Variants in RHBG observed in about 807,000 individuals in gnomAD.
RHBG encodes Rh family B glycoprotein, also known as ammonium transporter Rh type B.
RHBG carries 39 observed loss-of-function variants against 40.1 expected under a neutral mutation model. The ratio of observed to expected loss-of-function variants is 0.97; its 90% CI spans 0.75 to 1.27. The LOEUF is 1.27. Ranked by LOEUF, RHBG falls within the 50% of genes most tolerant of loss-of-function variation. The pLI is 0.00. For missense variants in RHBG, 549 were observed against 588.1 expected (o/e 0.93, Z 0.69); for synonymous variants, 237 against 252.5 (o/e 0.94, Z 0.58).
chr1:156,381,181 C>T (rs373078119), intron 4 of RHBG, among the ~76,000 whole-genome samples, 166 bp from the exon 5 acceptor site: 7 of 152,332 alleles, frequency 4.6e-5, no homozygotes, highest in South Asian at 4.1e-4. Context: ...GGATTACAGG[C>T]GTGAGCCACC....
rs754379792 is a variant in RHBG, at chr1:156,377,391, C to T, written c.278C>T (p.Thr93Ile). 1.9e-6 allele frequency: 3 copies of T among 1,614,138 alleles called. No homozygotes were observed. Among genetic ancestry groups the T allele is most frequent in the Admixed American group, 3.3e-5 (2 of 60,014 alleles). ...QRYGFSSVGFTFLLAAFALQW... is the reference protein window; with the variant it reads ...QRYGFSSVGFIFLLAAFALQW... ...TACGGCTTCAGCAGCGTGGGCTTCA[C>T]CTTCCTCCTGGCCGCCTTTGCCCTG... Residue 93 changes from threonine to isoleucine, a missense_variant, in exon 2 of 10, where the codon ACC (threonine) becomes ATC (isoleucine). Coordinates refer to ENST00000537040, the MANE Select transcript of RHBG (RefSeq NM_020407.5). The surrounding 1 kb of genome is among the most constrained non-coding windows in gnomAD (Gnocchi z 4.6).
intron 1 of RHBG, chr1:156,371,177 T>A (rs1167233109): frequency 9.3e-6 from 4 of 430,182 alleles, no homozygotes; most frequent in Non-Finnish European, 1.8e-5. Context: ...TTTTTTTTTT[T>A]TTAGAAGAGT....
At chr1:156,371,205 G>C (rs1003326669) in intron 1 of RHBG, 1 of 405,814 alleles carries the variant, frequency 2.5e-6, no homozygotes, top group Non-Finnish European at 4.8e-6. Flanking sequence ...TGTTGCCCAG[G>C]CTGGAGTGCA....
At chr1:156,383,181 G>C (rs907191419) in intron 8 of RHBG, among the ~76,000 whole-genome samples, 4 of 152,246 alleles carry the variant, frequency 2.6e-5, no homozygotes, top group Non-Finnish European at 4.4e-5. Context: ...CCTAGAAGGG[G>C]ATGGCTGCGC....
Position 156,382,112 on chromosome 1 carries a change from C to T in RHBG, c.1023C>T (p.Val341=), listed in dbSNP as rs767128086. 6 of 1,613,732 alleles carry T rather than the reference C, an allele frequency of 3.7e-6. No individual in the cohort carries two copies. Among genetic ancestry groups the T allele is most frequent in the South Asian group, 2.2e-5 (2 of 91,068 alleles). ...SKFKVQDTCG[V]HNLHGMPGVL... is the part of the protein sequence containing the mutation. ...TCAAAGTCCAAGACACATGTGGAGT[C>T]CACAACCTCCATGGGATGCCGGGGG... is the stretch of plus-strand genomic sequence containing the variant. The change falls in exon 7 of 10, where the codon GTC becomes GTT. Residue 341 remains valine (V), a synonymous_variant. Transcript: ENST00000537040.
chr1:156,383,290 C>T (rs1404089911), intron 8 of RHBG, among the ~76,000 whole-genome samples: 1 of 152,244 alleles, frequency 6.6e-6, no homozygotes, highest in Non-Finnish European at 1.5e-5. Context: ...GGCCCTGGGT[C>T]AGGCAGTCGC....
chr1:156,370,451 G>GAAAA (rs10668520), intron 1 of RHBG, among the ~76,000 whole-genome samples: 2 of 139,306 alleles, frequency 1.4e-5, no homozygotes, highest in African/African-American at 2.7e-5. Flanking sequence ...TCCATCTCGA[G>GAAAA]AAAAAAAAAA....
chr1:156,382,605 C>T (rs872120), intron 7 of RHBG, 143 bp from the exon 8 acceptor site: 313,566 of 1,028,574 alleles, frequency 0.3, 48,291 homozygotes, highest in African/African-American at 0.39. Flanking sequence ...GGAGGTGAGA[C>T]TCAGCCTGGC....
intron 4 of RHBG, among the ~76,000 whole-genome samples, chr1:156,378,886 C>A (rs1471616272): frequency 6.6e-6 from 1 of 152,196 alleles, no homozygotes; most frequent in East Asian, 1.9e-4. Flanking sequence ...TGCCTGGAAG[C>A]CCCTGCACTC....
chr1:156,377,424 C>G lies in RHBG; in HGVS notation c.311C>G (p.Ser104Cys). The G allele has an allele frequency of 6.2e-7, 1 of 1,614,176 alleles. No homozygotes were observed. Among genetic ancestry groups the G allele is most frequent in the Non-Finnish European group, 8.5e-7 (1 of 1,180,000 alleles). Residue 104 changes from serine (S) to cysteine (C), a missense_variant, in exon 2 of 10, where the codon TCC (serine) becomes TGC (cysteine). Ser to Cys is a moderately radical substitution (Grantham distance 112). Coordinates refer to ENST00000537040, the MANE Select transcript of RHBG (RefSeq NM_020407.5). The surrounding 1 kb of genome is among the most constrained non-coding windows in gnomAD (Gnocchi z 4.6). The part of the protein sequence containing the change: ...FLLAAFALQW[S>C]TLVQGFLHSF... ...CTGGCCGCCTTTGCCCTGCAGTGGT[C>G]CACACTGGTCCAGGGCTTTCTCCAC... is the stretch of plus-strand genomic sequence containing the variant.
chr1:156,375,164 C>T (rs11264480), intron 1 of RHBG, among the ~76,000 whole-genome samples: 12,142 of 152,010 alleles, frequency 0.08, 604 homozygotes, highest in African/African-American at 0.12. Context: ...CTCCACCTCC[C>T]GGGTCAAGCG....
intron 1 of RHBG, among the ~76,000 whole-genome samples, chr1:156,373,698 G>A (rs752688611): frequency 1.1e-3 from 166 of 152,218 alleles, no homozygotes; most frequent in Admixed American, 9.8e-4. Context: ...GGTGGGAGAT[G>A]TAAACATTTA....
In RHBG at chr1:156,378,378, T is replaced by A; in HGVS notation, c.652T>A (p.Ser218Thr). ...SKHRQGSVYH[S>T]DLFAMIGTIF... ...GCACCGCCAGGGCTCCGTCTACCATTCAGACCTCTTCGCCATGATTGGTGA... is the reference window on the plus strand; with the variant it reads ...GCACCGCCAGGGCTCCGTCTACCATACAGACCTCTTCGCCATGATTGGTGA... The change falls in exon 4 of 10, where the codon TCA (serine) becomes ACA (threonine). Residue 218 changes from serine (S) to threonine (T), a missense_variant. Ser to Thr is a moderately conservative substitution (Grantham distance 58). Transcript: ENST00000537040. The A allele has an allele frequency of 6.2e-7, 1 of 1,606,246 alleles. No individual in the cohort carries two copies. Among genetic ancestry groups the A allele is most frequent in the Non-Finnish European group, 8.5e-7 (1 of 1,175,218 alleles).
Position 156,382,135 on chromosome 1 carries a change from G to A in RHBG, c.1046G>A (p.Gly349Glu), listed in dbSNP as rs765227007. The A allele has an allele frequency of 8.7e-6, 14 of 1,613,918 alleles. No homozygotes were observed. The East Asian group carries it at 3.1e-4, about 36-fold the overall frequency. Residue 349 changes from glycine (G) to glutamate (E), a missense_variant, in exon 7 of 10, where the codon GGG becomes GAG. Around this residue, in one of 3 missense-constraint regions of RHBG, gnomAD observed 399 missense variants for 417.0 expected, o/e 0.96. Transcript: ENST00000537040. ...GTCCACAACCTCCATGGGATGCCGGGGGTCCTGGGGGCCCTCCTGGGGGTC... is the reference window on the plus strand; with the variant it reads ...GTCCACAACCTCCATGGGATGCCGGAGGTCCTGGGGGCCCTCCTGGGGGTC... ...CGVHNLHGMP[G>E]VLGALLGVLV...
At position 156,382,728 on chromosome 1, in the gene RHBG, T is replaced by G. The variant is rs371941987; in HGVS notation, c.1113-20T>G. ...TCTCTCTCCCTACCCCTGCCTTTCCTCTATCTGGTCTCCCTGCAGCCTGGA... is the reference window on the plus strand; with the variant it reads ...TCTCTCTCCCTACCCCTGCCTTTCCGCTATCTGGTCTCCCTGCAGCCTGGA... On this transcript the variant is annotated intron_variant, in intron 7 of 9. Transcript: ENST00000537040. The G allele has an allele frequency of 4.3e-6, 7 of 1,613,604 alleles. No individual in the cohort carries two copies. In the African/African-American group the frequency reaches 9.3e-5, roughly 22 times the overall value.
At chr1:156,379,083 C>T (rs1311806171) in intron 4 of RHBG, among the ~76,000 whole-genome samples, 1 of 151,954 alleles carries the variant, frequency 6.6e-6, no homozygotes, top group African/African-American at 2.4e-5. Flanking sequence ...CAACCTCTGC[C>T]TCCTGGGTTC....
intron 1 of RHBG, chr1:156,371,221 G>T (rs780399342): frequency 2.6e-6 from 1 of 387,138 alleles, no homozygotes; most frequent in Non-Finnish European, 5.0e-6. Context: ...GTGCAACGGC[G>T]CAATCTCGGC....
In RHBG at chr1:156,381,206, G is replaced by C. The variant is rs1667605036; in HGVS notation, c.674-141G>C. The C allele has an allele frequency of 5.6e-6, 5 of 888,106 alleles. No individual in the cohort carries two copies. The Admixed American group carries it at 1.0e-4, about 18-fold the overall frequency. The allele number at this position is 888,106 out of a possible 1,614,324, so 55.0% of individuals were successfully genotyped here. ...CGTGAGCCACCGTGCCCAGCCCAAGGTGGTATTATTATCAATCCCACTGAA... is the reference window on the plus strand; with the variant it reads ...CGTGAGCCACCGTGCCCAGCCCAAGCTGGTATTATTATCAATCCCACTGAA... On this transcript the variant is annotated intron_variant, in intron 4 of 9. Transcript: ENST00000537040.
chr1:156,369,827 C>G (rs1666720240), intron 1 of RHBG, among the ~76,000 whole-genome samples: 1 of 152,102 alleles, frequency 6.6e-6, no homozygotes, highest in Admixed American at 6.5e-5. Context: ...GTTCCAGAGA[C>G]TGCCTTTCCT....
Sources: gnomAD v4.1 joint callset for allele counts (sites outside exome capture counted in the v4.1 genomes callset) on GRCh38, gnomAD v4.1.1 for gene constraint, gnomAD v4.1.1 regional missense constraint, Gnocchi (gnomAD v3.1) non-coding constraint, MANE v1.5 for transcripts, NCBI Gene and HGNC (gene_info 2026-07-23, HGNC 2026-07-21) for gene names.